The following CLEC4D variants were observed in gnomAD, a reference collection of about 807,000 sequenced individuals.
The protein encoded by CLEC4D is C-type (calcium dependent, carbohydrate-recognition domain) lectin, superfamily member 8.
Under a neutral mutation model 21.1 loss-of-function variants are expected in CLEC4D, and 21 were observed. The observed-to-expected ratio is 1.00, with a 90% CI of 0.71 to 1.43. The LOEUF is 1.43. Among genes scored for constraint, CLEC4D ranks in the 40% most tolerant of loss-of-function variants. The pLI is 0.00. For missense variants in CLEC4D, 289 were observed against 260.7 expected, an observed-to-expected ratio of 1.11 and a Z score of -0.75; for synonymous variants, 85 against 83.1, an observed-to-expected ratio of 1.02 and a Z score of -0.12.
At chr12:8,525,594 A>G (rs376915236), downstream of CLEC4D, among the ~76,000 whole-genome samples, 9 of 152,020 alleles carry the variant, frequency 5.9e-5, no homozygotes, top group African/African-American at 1.5e-4. Context: ...TGCATGTAAG[A>G]TGGGTCGCCT....
chr12:8,519,127 C>T lies in CLEC4D; in HGVS notation c.351C>T (p.Ala117=), dbSNP rs750680223. The T allele has an allele frequency of 1.2e-6, 2 of 1,613,906 alleles. No individual in the cohort carries two copies. The highest frequency in any genetic ancestry group is 2.2e-5 in the South Asian group (2 of 91,054). Residue 117 remains alanine, a synonymous_variant, in exon 4 of 6, where the codon GCC becomes GCT. Coordinates refer to ENST00000299665, the MANE Select transcript of CLEC4D (RefSeq NM_080387.5). The part of the protein sequence containing the change: ...ESERNCSGMG[A]HLMTISTEAE... Reference sequence around the variant, plus strand: ...AAAGGAACTGTTCAGGGATGGGGGCCCATCTGATGACCATCAGCACGGAAG... The same window carrying T: ...AAAGGAACTGTTCAGGGATGGGGGCTCATCTGATGACCATCAGCACGGAAG...
chr12:8,528,940 T>A, the CLEC4D span, among the ~76,000 whole-genome samples: 1 of 151,892 alleles, frequency 6.6e-6, no homozygotes, highest in Non-Finnish European at 1.5e-5. Flanking sequence ...AGATATATAA[T>A]CCACATTTTA....
intron 2 of CLEC4D, among the ~76,000 whole-genome samples, chr12:8,517,892 G>A (rs899238453): frequency 2.6e-5 from 4 of 152,146 alleles, no homozygotes; most frequent in Non-Finnish European, 4.4e-5. Flanking sequence ...CTTGCAGTGA[G>A]CCGAAATCGC....
At chr12:8,529,628 G>A in the CLEC4D span, among the ~76,000 whole-genome samples, 4 of 151,984 alleles carry the variant, frequency 2.6e-5, no homozygotes, top group Non-Finnish European at 5.9e-5. Context: ...AAAAAGAAAA[G>A]ATGTCAATAT....
chr12:8,529,827 T>C, the CLEC4D span, among the ~76,000 whole-genome samples: 1 of 152,158 alleles, frequency 6.6e-6, no homozygotes, highest in Non-Finnish European at 1.5e-5. Context: ...TTGTTTTCAT[T>C]AGTGTGGAGC....
intron 4 of CLEC4D, 57 bp from the exon 5 acceptor site, chr12:8,520,169 A>G: frequency 1.3e-6 from 2 of 1,586,990 alleles, no homozygotes; most frequent in Non-Finnish European, 8.6e-7. Context: ...TCTTTTTCCA[A>G]CATCATAGCC....
chr12:8,524,366 C>G (rs1460298987), downstream of CLEC4D, among the ~76,000 whole-genome samples: 1 of 149,598 alleles, frequency 6.7e-6, no homozygotes, highest in Admixed American at 6.6e-5. Flanking sequence ...TTAATTGCTG[C>G]CTCTATTTCA....
At chr12:8,526,079 T>C (rs752455935), downstream of CLEC4D, among the ~76,000 whole-genome samples, 2 of 152,206 alleles carry the variant, frequency 1.3e-5, no homozygotes, top group Non-Finnish European at 2.9e-5. Flanking sequence ...TAGGCTTCTT[T>C]TTGTAGGTAC....
At chr12:8,524,843 T>C (rs142835510), downstream of CLEC4D, among the ~76,000 whole-genome samples, 1,429 of 152,346 alleles carry the variant, frequency 9.4e-3, 13 homozygotes, top group Non-Finnish European at 0.012. Flanking sequence ...TTTAGTGCTA[T>C]AAATTTCCCT....
chr12:8,521,482 T>A lies in CLEC4D; in HGVS notation c.*211T>A. 9.7e-7 allele frequency: 1 copy of A among 1,028,856 alleles called. No homozygotes were observed. The highest frequency in any genetic ancestry group is 1.3e-6 in the Non-Finnish European group (1 of 783,324). The allele number at this position is 1,028,856 out of a possible 1,614,324, so 63.7% of individuals were successfully genotyped here. A position where few individuals can be genotyped will look rare whatever the true frequency, so the allele number is the denominator to read the frequency against. ...TGTAGATAATGTGGTTTTTGTATGG[T>A]GTTTGATGGAAGGAATAATCTTTCT... is the stretch of plus-strand genomic sequence containing the variant. On this transcript the variant is annotated 3_prime_UTR_variant, in exon 6 of 6. Transcript: ENST00000299665.
rs1285546606 is a variant in CLEC4D, at chr12:8,513,760, C to T, written c.28C>T (p.Leu10=). 3 of 1,085,646 alleles carry T rather than the reference C, an allele frequency of 2.8e-6. No individual in the cohort carries two copies. The highest frequency in any genetic ancestry group is 2.9e-6 in the Non-Finnish European group (2 of 700,160). The allele number at this position is 1,085,646 out of a possible 1,614,324, so 67.3% of individuals were successfully genotyped here. A position where few individuals can be genotyped will look rare whatever the true frequency, so the allele number is the denominator to read the frequency against. The change falls in exon 1 of 6, where the codon CTG becomes TTG. Residue 10 remains leucine (L), a splice_region_variant and synonymous_variant. Coordinates refer to ENST00000299665, the MANE Select transcript of CLEC4D (RefSeq NM_080387.5). MGLEKPQSK[L]EGGMHPQLIP... Reference sequence around the variant, plus strand: ...GGGGCTAGAAAAACCTCAAAGTAAACGTGAGTACTTTCTCTCCTTTCCATT... The same window carrying T: ...GGGGCTAGAAAAACCTCAAAGTAAATGTGAGTACTTTCTCTCCTTTCCATT...
chr12:8,518,012 C>T, intron 2 of CLEC4D, 152 bp from the exon 3 acceptor site: 1 of 484,726 alleles, frequency 2.1e-6, no homozygotes, highest in Admixed American at 3.5e-5. Context: ...ACCAATTCAC[C>T]TGGAGCTGAA....
chr12:8,524,975 G>A (rs1179214296), downstream of CLEC4D, among the ~76,000 whole-genome samples: 2 of 152,168 alleles, frequency 1.3e-5, no homozygotes, highest in African/African-American at 4.8e-5. Context: ...CCATTCAGGA[G>A]CAGTTTGTTC....
chr12:8,527,230 G>C (rs1940513843), downstream of CLEC4D, among the ~76,000 whole-genome samples: 1 of 152,182 alleles, frequency 6.6e-6, no homozygotes, highest in South Asian at 2.1e-4. Flanking sequence ...GGTGGAGAGG[G>C]TGTGTTTTGC....
Position 8,518,176 on chromosome 12 carries a change from A to C in CLEC4D, c.134A>C (p.Asn45Thr). 7.9e-7 allele frequency: 1 copy of C among 1,269,930 alleles called. No homozygotes were observed. The highest frequency in any genetic ancestry group is 1.2e-5 in the South Asian group (1 of 83,774). 78.7% of individuals were successfully genotyped at this position (1,269,930 alleles called of 1,614,324 possible). A position where few individuals can be genotyped will look rare whatever the true frequency, so the allele number is the denominator to read the frequency against. The change falls in exon 3 of 6, where the codon AAC becomes ACC. Residue 45 changes from asparagine to threonine, a missense_variant. By Grantham distance (65) the Asn-to-Thr change is moderately conservative. Coordinates refer to ENST00000299665, the MANE Select transcript of CLEC4D (RefSeq NM_080387.5). ...FIASCLVTHHNFSRCKRGTGV... is the reference protein window; with the variant it reads ...FIASCLVTHHTFSRCKRGTGV... ...TTATCCTTGACAGTGACTCATCACAACTTTTCACGCTGTAAGAGAGGCACA... is the reference window on the plus strand; with the variant it reads ...TTATCCTTGACAGTGACTCATCACACCTTTTCACGCTGTAAGAGAGGCACA...
Position 8,513,777 on chromosome 12 carries a change from C to A in CLEC4D, c.28+17C>A. 1 of 1,004,886 alleles carries A rather than the reference C, an allele frequency of 1.0e-6. No homozygotes were observed. The highest frequency in any genetic ancestry group is 1.6e-6 in the Non-Finnish European group (1 of 625,874). The allele number at this position is 1,004,886 out of a possible 1,614,324, so 62.2% of individuals were successfully genotyped here. ...AAAGTAAACGTGAGTACTTTCTCTC[C>A]TTTCCATTTCAAAGAAGCAGATGGA... On this transcript the variant is annotated intron_variant, in intron 1 of 5. Coordinates refer to ENST00000299665, the MANE Select transcript of CLEC4D (RefSeq NM_080387.5).
intron 2 of CLEC4D, among the ~76,000 whole-genome samples, chr12:8,517,810 G>T (rs1940400943): frequency 6.6e-6 from 1 of 152,074 alleles, no homozygotes; most frequent in Non-Finnish European, 1.5e-5. Context: ...GCCGGACGTG[G>T]TGGCGGGCGC....
intron 1 of CLEC4D, 97 bp downstream of exon 1, chr12:8,513,857 T>G: frequency 1.2e-5 from 9 of 723,130 alleles, no homozygotes; most frequent in Middle Eastern, 2.9e-4. Flanking sequence ...TTGTTGATGA[T>G]GACGGGGAGA....
the CLEC4D span, among the ~76,000 whole-genome samples, chr12:8,528,810 C>T: frequency 6.6e-6 from 1 of 151,628 alleles, no homozygotes; most frequent in African/African-American, 2.4e-5. Context: ...TTTACATTTC[C>T]ATAAATGGTT....
Sources: gnomAD v4.1 joint callset for allele counts (sites outside exome capture counted in the v4.1 genomes callset) on GRCh38, gnomAD v4.1.1 for gene constraint, MANE v1.5 for transcripts, NCBI Gene and HGNC (gene_info 2026-07-23, HGNC 2026-07-21) for gene names.